The following SH3BP2 variants were observed in gnomAD, a reference collection of about 807,000 sequenced individuals.
The protein encoded by SH3BP2 is SH3 domain binding protein 2.
A neutral mutation model predicts 56.2 loss-of-function variants in SH3BP2; 38 were observed. The observed-to-expected ratio is 0.68, with a 90% CI of 0.52 to 0.89. The LOEUF (loss-of-function observed/expected upper bound fraction) is 0.89. SH3BP2 is among the 40% of genes least tolerant of loss of function. SH3BP2 has a pLI of 0.00. For synonymous variants in SH3BP2, 346 were observed against 316.7 expected (o/e 1.09, Z -0.98); for missense variants, 748 against 762.6 (o/e 0.98, Z 0.23).
intron 1 of SH3BP2, among the ~76,000 whole-genome samples, chr4:2,804,915 G>A (rs1190892346): frequency 2.6e-5 from 4 of 152,278 alleles, no homozygotes; most frequent in African/African-American, 7.2e-5. Flanking sequence ...GGTCCTAATC[G>A]GGAGAACAAA....
At chr4:2,798,906 G>A in intron 1 of SH3BP2, 1 of 868,934 alleles carries the variant, frequency 1.2e-6, no homozygotes, top group Non-Finnish European at 1.4e-6. Flanking sequence ...GACAGGAAGT[G>A]CAGCCTCATG....
At chr4:2,833,325 A>G (rs1237303255) in intron 12 of SH3BP2, 9 of 582,362 alleles carry the variant, frequency 1.5e-5, no homozygotes, top group Non-Finnish European at 2.8e-5. Context: ...TTTTGCGGGG[A>G]CAGGGGTCTC....
At chr4:2,826,694 C>G (rs1239071070) in intron 5 of SH3BP2, 3 of 336,722 alleles carry the variant, frequency 8.9e-6, no homozygotes, top group Non-Finnish European at 1.7e-5. Context: ...TCATGTTGCT[C>G]TGTGTGTGTG....
Position 2,828,773 on chromosome 4 carries a change from G to T in SH3BP2, c.587-720G>T, listed in dbSNP as rs968443652. On this transcript the variant is annotated intron_variant, in intron 7 of 12. Transcript: ENST00000503393. The stretch of plus-strand genomic sequence containing the variant: ...GAGACATTTCTCGTCCAGGACGCCT[G>T]TGGCCTCCCCATTCCCAGTTCCAGC... Among the ~76,000 whole-genome samples the T allele has an allele frequency of 2.6e-5, 4 of 152,114 alleles. No homozygotes were observed. In the East Asian group the frequency reaches 7.7e-4, roughly 29 times the overall value.
chr4:2,835,151 A>C lies in SH3BP2; in HGVS notation c.*1317A>C, dbSNP rs1725188170. 6.6e-6 allele frequency: 1 copy of C among 152,128 alleles called. No homozygotes were observed. The highest frequency in any genetic ancestry group is 1.5e-5 in the Non-Finnish European group (1 of 68,022). 9.4% of individuals were successfully genotyped at this position (152,128 alleles called of 1,614,324 possible). Reference sequence around the variant, plus strand: ...TCCTTGTGATTTTTCTTAGCACCTTATGTCAGGGAAACCTAAACTGAGGTC... The same window carrying C: ...TCCTTGTGATTTTTCTTAGCACCTTCTGTCAGGGAAACCTAAACTGAGGTC... On this transcript the variant is annotated 3_prime_UTR_variant, in exon 13 of 13. Transcript: ENST00000503393.
intron 1 of SH3BP2, chr4:2,796,426 G>GC (rs1027510916): frequency 1.0e-6 from 1 of 985,360 alleles, no homozygotes. Context: ...TGGTTTCCCG[G>GC]CCCCCGATCA....
chr4:2,803,792 T>C (rs1176914429), intron 1 of SH3BP2, among the ~76,000 whole-genome samples: 1 of 152,148 alleles, frequency 6.6e-6, no homozygotes, highest in African/African-American at 2.4e-5. Flanking sequence ...GGCTAACTCA[T>C]GTGGAAGATT....
rs142099137 is a variant in SH3BP2, at chr4:2,824,802, C to A, written c.357+72C>A. On this transcript the variant is annotated intron_variant, in intron 4 of 12. Transcript: ENST00000503393. ...CCTGCAGGCACCAGGCTGGACCTGC[C>A]TTGGGGGCTCGCTGGTCCTGGGGCG... 895 of 1,174,624 alleles carry A rather than the reference C, an allele frequency of 7.6e-4. No individual in the cohort carries two copies. The African/African-American group carries it at 0.011, about 14-fold the overall frequency. 72.8% of individuals were successfully genotyped at this position (1,174,624 alleles called of 1,614,324 possible).
chr4:2,832,972 C>T lies in SH3BP2; in HGVS notation c.1489-18C>T. ...CTGTTTCTCAGGGAGCCGTCAGCCT[C>T]CCGCTTCCGTCCTGTAGGTCCTGGT... On this transcript the variant is annotated intron_variant, in intron 11 of 12. Transcript: ENST00000503393. 2 of 1,614,078 alleles carry T rather than the reference C, an allele frequency of 1.2e-6. No homozygotes were observed. The highest frequency in any genetic ancestry group is 1.7e-6 in the Non-Finnish European group (2 of 1,179,934).
intron 1 of SH3BP2, among the ~76,000 whole-genome samples, chr4:2,797,660 G>A (rs1471132559): frequency 2.0e-5 from 3 of 152,192 alleles, no homozygotes; most frequent in Non-Finnish European, 4.4e-5. Flanking sequence ...CCCCAGCCTG[G>A]TCTATGGCCA....
intron 1 of SH3BP2, chr4:2,811,836 C>T (rs1723761945): frequency 5.8e-6 from 1 of 172,526 alleles, no homozygotes; most frequent in African/African-American, 2.4e-5. Flanking sequence ...CATAACAGCC[C>T]TCTGTGTGGC....
intron 1 of SH3BP2, among the ~76,000 whole-genome samples, chr4:2,794,507 T>C (rs1722998769): frequency 6.6e-6 from 1 of 152,230 alleles, no homozygotes; most frequent in Non-Finnish European, 1.5e-5. Context: ...GTGAGGATTC[T>C]GTCTATCCCC....
At chr4:2,828,742 C>G (rs182366721) in intron 7 of SH3BP2, among the ~76,000 whole-genome samples, 15 of 152,330 alleles carry the variant, frequency 9.8e-5, no homozygotes, top group African/African-American at 3.6e-4. Context: ...CCTTCATCCT[C>G]TCCCCGAGAC....
chr4:2,830,906 C>T (rs1240912744), intron 8 of SH3BP2, among the ~76,000 whole-genome samples: 3 of 152,236 alleles, frequency 2.0e-5, no homozygotes, highest in Non-Finnish European at 4.4e-5. Context: ...GCGAACACCT[C>T]TGAGATGCCT....
intron 1 of SH3BP2, among the ~76,000 whole-genome samples, chr4:2,815,105 C>G (rs1723936263): frequency 2.0e-5 from 3 of 152,218 alleles, no homozygotes; most frequent in Admixed American, 6.5e-5. Flanking sequence ...GGCTGAACTT[C>G]CCCAAGAGCA....
At position 2,831,294 on chromosome 4, in the gene SH3BP2, G is replaced by A. The variant is rs936021218; in HGVS notation, c.1242-277G>A. Among the ~76,000 whole-genome samples, 2 of 152,208 alleles carry A rather than the reference G, an allele frequency of 1.3e-5. No individual in the cohort carries two copies. The highest frequency in any genetic ancestry group is 4.8e-5 in the African/African-American group (2 of 41,444). ...ACGAGCATCCAGAGCACTTGTTGAC[G>A]GTGTGATGACACTGAGCTTGGGAAC... On this transcript the variant is annotated intron_variant, in intron 8 of 12. Transcript: ENST00000503393. The surrounding 1 kb of genome is among the most constrained non-coding windows in gnomAD (Gnocchi z 4.1).
In SH3BP2 at chr4:2,812,550, G is replaced by A. The variant is rs997888835; in HGVS notation, c.-4-8064G>A. On this transcript the variant is annotated intron_variant, in intron 1 of 12. Coordinates refer to ENST00000503393, the MANE Select transcript of SH3BP2 (RefSeq NM_001122681.2). ...TAGCACCTGAAGAACCAGTAAGGGG[G>A]CCCCACGTGGGAGCCACAGCCTTCC... is the stretch of plus-strand genomic sequence containing the variant. The A allele has an allele frequency of 5.3e-6, 8 of 1,499,642 alleles. No individual in the cohort carries two copies. In the Admixed American group the frequency reaches 1.5e-4, roughly 29 times the overall value. 92.9% of individuals were successfully genotyped at this position (1,499,642 alleles called of 1,614,324 possible).
intron 1 of SH3BP2, among the ~76,000 whole-genome samples, chr4:2,793,941 G>A (rs1722979434): frequency 6.6e-6 from 1 of 152,222 alleles, no homozygotes; most frequent in South Asian, 2.1e-4. Context: ...GAGGGCCTGA[G>A]CCCTGCTGTG....
At position 2,820,422 on chromosome 4, in the gene SH3BP2, A is replaced by G. The variant is rs940393478; in HGVS notation, c.-4-192A>G. On this transcript the variant is annotated intron_variant, in intron 1 of 12. Transcript: ENST00000503393. ...AGTGGACCAGGGGCTGACTGAGTGG[A>G]GCCCGTGGCTCTGTCTCTCCCTGGG... Among the ~76,000 whole-genome samples, 3 of 152,070 alleles carry G rather than the reference A, an allele frequency of 2.0e-5. No homozygotes were observed. The East Asian group carries it at 5.8e-4, about 29-fold the overall frequency.
Sources: allele counts gnomAD v4.1 joint callset (sites outside exome capture counted in the v4.1 genomes callset), GRCh38; gene constraint gnomAD v4.1.1; non-coding constraint Gnocchi (gnomAD v3.1); transcripts MANE v1.5; gene names NCBI Gene and HGNC (gene_info 2026-07-23, HGNC 2026-07-21).